YBX1: variants seen among roughly 807,000 people sequenced by gnomAD.
YBX1 encodes the protein Y-box binding protein 1.
Under a neutral mutation model 41.4 loss-of-function variants are expected in YBX1, and 3 were observed. The ratio of observed to expected loss-of-function variants is 0.07; its 90% CI spans 0.03 to 0.19. YBX1 has a LOEUF of 0.19. YBX1 is among the 10% of genes least tolerant of loss of function. The pLI, the probability that YBX1 is intolerant of heterozygous loss-of-function variation, is 1.00. For missense variants in YBX1, 274 were observed against 462.8 expected (o/e 0.59, Z 3.74); for synonymous variants, 133 against 165.8 (o/e 0.80, Z 1.52).
chr1:42,691,288 A>G (rs373372048), intron 2 of YBX1, among the ~76,000 whole-genome samples: 43 of 152,204 alleles, frequency 2.8e-4, no homozygotes, highest in African/African-American at 9.9e-4. Context: ...TCACATATCT[A>G]TCTATGTACC....
At position 42,682,460 on chromosome 1, in the gene YBX1, C is replaced by T. The variant is rs939149437; in HGVS notation, c.-106C>T. Reference sequence around the variant, plus strand: ...CGGTAGCGGGAGCGGAGAGCGGACCCCAGAGAGCCCTGAGCAGCCCCACCG... The same window carrying T: ...CGGTAGCGGGAGCGGAGAGCGGACCTCAGAGAGCCCTGAGCAGCCCCACCG... On this transcript the variant is annotated 5_prime_UTR_variant, in exon 1 of 8. Coordinates refer to ENST00000321358, the MANE Select transcript of YBX1 (RefSeq NM_004559.5). 1.6e-6 allele frequency: 2 copies of T among 1,250,974 alleles called. No individual in the cohort carries two copies. The highest frequency in any genetic ancestry group is 4.1e-5 in the Admixed American group (1 of 24,438). The allele number at this position is 1,250,974 out of a possible 1,614,324, so 77.5% of individuals were successfully genotyped here.
intron 2 of YBX1, among the ~76,000 whole-genome samples, chr1:42,692,217 C>T (rs1011287121): frequency 2.0e-5 from 3 of 152,208 alleles, no homozygotes; most frequent in Non-Finnish European, 4.4e-5. Context: ...CTTTCTTACT[C>T]TACCAGTTTT....
chr1:42,686,149 G>T (rs564998774), intron 2 of YBX1, among the ~76,000 whole-genome samples: 1 of 152,298 alleles, frequency 6.6e-6, no homozygotes, highest in South Asian at 2.1e-4. Context: ...ATTGGCAACA[G>T]TTTATAGTGA....
chr1:42,693,367 T>G (rs1485641465), intron 2 of YBX1, 123 bp from the exon 3 acceptor site: 2 of 1,097,934 alleles, frequency 1.8e-6, no homozygotes, highest in Non-Finnish European at 2.7e-6. Context: ...GCTTGTGTTT[T>G]TTGATTTTTG....
At chr1:42,687,443 A>G (rs1650223701) in intron 2 of YBX1, among the ~76,000 whole-genome samples, 1 of 151,870 alleles carries the variant, frequency 6.6e-6, no homozygotes, top group African/African-American at 2.4e-5. Flanking sequence ...GCCACCACAC[A>G]GGCTAATTTT....
intron 3 of YBX1, among the ~76,000 whole-genome samples, chr1:42,695,160 G>A (rs1650429490): frequency 6.6e-6 from 1 of 152,208 alleles, no homozygotes; most frequent in Non-Finnish European, 1.5e-5. Flanking sequence ...GTTTCAACAT[G>A]TAGTTGTTTC....
rs1479331064 is a variant in YBX1 at position 42,683,147 on chromosome 1, T to G, written c.167-256T>G. 4.7e-6 allele frequency: 3 copies of G among 639,150 alleles called. No individual in the cohort carries two copies. The East Asian group carries it at 9.8e-5, about 21-fold the overall frequency. 39.6% of individuals were successfully genotyped at this position (639,150 alleles called of 1,614,324 possible). The stretch of plus-strand genomic sequence containing the variant: ...AGCGGCTTCCCCTTCCCTCACGTGC[T>G]CTCCGTCCGCGGCCTGCGCACACAC... On this transcript the variant is annotated intron_variant, in intron 1 of 7. Transcript: ENST00000321358.
At chr1:42,692,669 C>G (rs1255314129) in intron 2 of YBX1, among the ~76,000 whole-genome samples, 1 of 152,202 alleles carries the variant, frequency 6.6e-6, no homozygotes, top group Non-Finnish European at 1.5e-5. Context: ...TGAGCTTTTT[C>G]TCACTCTGAC....
rs148020196 is a variant in YBX1, at chr1:42,697,202, G to T, written c.680G>T (p.Gly227Val). The T allele has an allele frequency of 3.0e-4, 482 of 1,614,014 alleles. 2 individuals carry two copies. The African/African-American group carries it at 5.8e-3, about 19-fold the overall frequency. The change falls in exon 6 of 8, where the codon GGA becomes GTA. Residue 227 changes from glycine (G) to valine (V), a missense_variant. By Grantham distance (109) the Gly-to-Val change is moderately radical. This residue lies in a region of YBX1 where 187 missense variants were observed against 306.3 expected (regional missense o/e 0.61). Coordinates refer to ENST00000321358, the MANE Select transcript of YBX1 (RefSeq NM_004559.5). ...VMEGADNQGA[G>V]EQGRPVRQNM... ...CAGGGTGCTGACAACCAGGGTGCAG[G>T]AGAACAAGGTAGACCAGTGAGGCAG...
At chr1:42,685,557 C>T (rs917025881) in intron 2 of YBX1, among the ~76,000 whole-genome samples, 2 of 152,076 alleles carry the variant, frequency 1.3e-5, no homozygotes, top group Admixed American at 6.5e-5. Context: ...ATATGTAGTT[C>T]GTGTAGTGGA....
Position 42,683,452 on chromosome 1 carries a change from T to C in YBX1, c.216T>C (p.Tyr72=), listed in dbSNP as rs1291587829. The C allele has an allele frequency of 1.9e-6, 3 of 1,613,712 alleles. No individual in the cohort carries two copies. The highest frequency in any genetic ancestry group is 1.7e-6 in the Non-Finnish European group (2 of 1,180,040). Residue 72 remains tyrosine (Y), a synonymous_variant, in exon 2 of 8, where the codon TAT becomes TAC. Transcript: ENST00000321358. ...AATGGTTCAATGTAAGGAACGGATA[T>C]GGTTTCATCAACAGGTGAGCTGCCG... is the stretch of plus-strand genomic sequence containing the variant. The part of the protein sequence containing the change: ...TVKWFNVRNG[Y]GFINRNDTKE...
rs1180691322 is a variant in YBX1 at position 42,702,308 on chromosome 1, TCAA to T, written c.*363_*365del. On this transcript the variant is annotated 3_prime_UTR_variant, in exon 8 of 8. Coordinates refer to ENST00000321358, the MANE Select transcript of YBX1 (RefSeq NM_004559.5). ...TTACAACTTGATTTTTTCAAAAAAG[TCAA>T]CAAACTGCAAGCACCTGTTAATAAA... 1 of 152,668 alleles carries T rather than the reference TCAA, an allele frequency of 6.6e-6. No homozygotes were observed. Among genetic ancestry groups the T allele is most frequent in the Non-Finnish European group, 1.5e-5 (1 of 68,030 alleles). The allele number at this position is 152,668 out of a possible 1,614,324, so 9.5% of individuals were successfully genotyped here.
At chr1:42,700,732 T>C in intron 6 of YBX1, 49 bp from the exon 7 acceptor site, 1 of 1,523,730 alleles carries the variant, frequency 6.6e-7, no homozygotes, top group South Asian at 1.2e-5. Flanking sequence ...GTGGGTGTGT[T>C]GAAGAGAGAA....
intron 2 of YBX1, among the ~76,000 whole-genome samples, chr1:42,684,247 T>G (rs1650135619): frequency 1.3e-5 from 2 of 152,354 alleles, no homozygotes; most frequent in African/African-American, 2.4e-5. Context: ...TCGGGTTGTT[T>G]GTAGGAGTGG....
intron 6 of YBX1, among the ~76,000 whole-genome samples, chr1:42,700,363 G>C (rs1465349119): frequency 6.6e-6 from 1 of 152,018 alleles, no homozygotes; most frequent in Non-Finnish European, 1.5e-5. Flanking sequence ...GCACTCTTTG[G>C]GAGGCCAAGG....
intron 1 of YBX1, 30 bp from the exon 2 acceptor site, chr1:42,683,373 T>C (rs751973514): frequency 1.9e-6 from 3 of 1,613,954 alleles, no homozygotes; most frequent in Non-Finnish European, 2.5e-6. Flanking sequence ...CTGGTAATCG[T>C]GGCTTGTTTT....
chr1:42,694,266 C>T (rs1279328625), intron 3 of YBX1, among the ~76,000 whole-genome samples: 5 of 152,036 alleles, frequency 3.3e-5, no homozygotes, highest in Admixed American at 2.6e-4. Context: ...AATGTTTGCA[C>T]ATTCAGGAAT....
At chr1:42,693,002 C>G (rs1355163679) in intron 2 of YBX1, among the ~76,000 whole-genome samples, 1 of 152,074 alleles carries the variant, frequency 6.6e-6, no homozygotes, top group Non-Finnish European at 1.5e-5. Flanking sequence ...GGTCACAGTT[C>G]CCATTAGGTT....
chr1:42,699,092 A>G (rs1242442273), intron 6 of YBX1, among the ~76,000 whole-genome samples: 2 of 152,190 alleles, frequency 1.3e-5, no homozygotes, highest in Non-Finnish European at 1.5e-5. Context: ...ATAGGCTGAA[A>G]TGCAATCCAG....
Sources: gnomAD v4.1 joint callset for allele counts (sites outside exome capture counted in the v4.1 genomes callset) on GRCh38, gnomAD v4.1.1 for gene constraint, gnomAD v4.1.1 regional missense constraint, MANE v1.5 for transcripts, NCBI Gene and HGNC (gene_info 2026-07-23, HGNC 2026-07-21) for gene names.